NNT: variants seen among roughly 807,000 people sequenced by gnomAD.
NNT encodes the protein NAD(P) transhydrogenase, mitochondrial.
Under a neutral mutation model 104.8 loss-of-function variants are expected in NNT, and 50 were observed. The ratio of observed to expected loss-of-function variants is 0.48; its 90% CI spans 0.38 to 0.60. The LOEUF (loss-of-function observed/expected upper bound fraction) is 0.60, where lower values mean the gene tolerates loss of function less well. NNT is among the 20% of genes least tolerant of loss of function. NNT has a pLI of 0.00. For missense variants in NNT, 1,131 were observed against 1,330.7 expected, an observed-to-expected ratio of 0.85 and a Z score of 2.33; for synonymous variants, 461 against 490.4, an observed-to-expected ratio of 0.94 and a Z score of 0.79.
At position 43,649,321 on chromosome 5, in the gene NNT, CTT is replaced by C. The variant is rs1561289564; in HGVS notation, c.1606+14_1606+15del. Reference sequence around the variant, plus strand: ...AATGCAATCTCAGGTTTGTTCCTCTCTTGTTTTTCCTCATCTCAGGTTTTCAT... The same window carrying C: ...AATGCAATCTCAGGTTTGTTCCTCTCGTTTTTCCTCATCTCAGGTTTTCAT... On this transcript the variant is annotated intron_variant, in intron 11 of 21. Coordinates refer to ENST00000344920, the MANE Select transcript of NNT (RefSeq NM_182977.3). The C allele has an allele frequency of 6.2e-7, 1 of 1,613,666 alleles. No homozygotes were observed. The highest frequency in any genetic ancestry group is 1.1e-5 in the South Asian group (1 of 91,036).
At chr5:43,610,853 T>C (rs1749464062) in intron 2 of NNT, among the ~76,000 whole-genome samples, 1 of 152,210 alleles carries the variant, frequency 6.6e-6, no homozygotes, top group Non-Finnish European at 1.5e-5. Flanking sequence ...TCCATGGACA[T>C]CAAGATCTCT....
chr5:43,662,099 T>C (rs1180451569), intron 17 of NNT, among the ~76,000 whole-genome samples: 1 of 152,256 alleles, frequency 6.6e-6, no homozygotes, highest in Non-Finnish European at 1.5e-5. Flanking sequence ...TCTTGAAATG[T>C]CAGCATGGGT....
chr5:43,661,522 C>G (rs1274178010), intron 17 of NNT, among the ~76,000 whole-genome samples: 5 of 150,834 alleles, frequency 3.3e-5, no homozygotes, highest in Non-Finnish European at 7.4e-5. Flanking sequence ...AACTCGTCAT[C>G]TAGCATTAGG....
chr5:43,634,255 CATCT>C (rs1362770374), intron 7 of NNT, among the ~76,000 whole-genome samples: 1 of 152,080 alleles, frequency 6.6e-6, no homozygotes, highest in Non-Finnish European at 1.5e-5. Context: ...CTTTGTTCTC[CATCT>C]GTCTTGTTAA....
At chr5:43,669,471 T>C (rs1235983100) in intron 17 of NNT, among the ~76,000 whole-genome samples, 4 of 152,310 alleles carry the variant, frequency 2.6e-5, no homozygotes, top group Middle Eastern at 3.4e-3. Flanking sequence ...ACCTAATTTA[T>C]TGAGAGTTTT....
At chr5:43,659,670 G>C (rs1475194859) in intron 17 of NNT, among the ~76,000 whole-genome samples, 1 of 152,076 alleles carries the variant, frequency 6.6e-6, no homozygotes, top group East Asian at 1.9e-4. Context: ...AGAGGTTGCA[G>C]TGACTGAGAT....
intron 12 of NNT, 142 bp from the exon 13 acceptor site, chr5:43,651,597 T>A: frequency 1.1e-6 from 1 of 913,680 alleles, no homozygotes; most frequent in Non-Finnish European, 1.6e-6. Flanking sequence ...AATTTGAGGT[T>A]GCAAAATGTT....
chr5:43,660,254 C>G (rs997502320), intron 17 of NNT, among the ~76,000 whole-genome samples: 3 of 152,144 alleles, frequency 2.0e-5, no homozygotes, highest in Non-Finnish European at 4.4e-5. Context: ...ATTTACACTC[C>G]TGTTGGTCAT....
At chr5:43,613,205 T>A in intron 3 of NNT, 68 bp downstream of exon 3, 2 of 1,243,468 alleles carry the variant, frequency 1.6e-6, no homozygotes, top group Non-Finnish European at 2.3e-6. Flanking sequence ...ATAGAAAAAT[T>A]AAATTACTTT....
chr5:43,678,477 G>GT (rs1741536362), intron 19 of NNT, among the ~76,000 whole-genome samples: 1 of 152,148 alleles, frequency 6.6e-6, no homozygotes, highest in South Asian at 2.1e-4. Context: ...AAAGGAAAAT[G>GT]TGTTATTCCA....
At chr5:43,611,596 C>T (rs561940177) in intron 2 of NNT, among the ~76,000 whole-genome samples, 6 of 152,212 alleles carry the variant, frequency 3.9e-5, no homozygotes, top group East Asian at 3.9e-4. Flanking sequence ...ATTTGCCTTT[C>T]GTGTACTGTA....
chr5:43,680,422 T>C (rs1297956261), intron 19 of NNT, among the ~76,000 whole-genome samples: 7 of 152,200 alleles, frequency 4.6e-5, no homozygotes, highest in Non-Finnish European at 8.8e-5. Flanking sequence ...GTTCATTGAG[T>C]ACAGCTGCTG....
At chr5:43,691,156 G>C (rs1301964608) in intron 19 of NNT, among the ~76,000 whole-genome samples, 1 of 151,828 alleles carries the variant, frequency 6.6e-6, no homozygotes, top group Non-Finnish European at 1.5e-5. Context: ...CTGGAGTGCA[G>C]TGGCGCAATC....
In NNT at chr5:43,650,589, T is replaced by C; in HGVS notation, c.1717+2T>C. On this transcript the variant is annotated splice_donor_variant, in intron 12 of 21. Transcript: ENST00000344920. LOFTEE classifies it high-confidence loss of function. ...TCATATCCTCTGTCAACATTGCAGG[T>C]ATGATGTCAGTGAAAGGTCTCAGTA... The C allele has an allele frequency of 6.2e-7, 1 of 1,607,438 alleles. No homozygotes were observed. The highest frequency in any genetic ancestry group is 8.5e-7 in the Non-Finnish European group (1 of 1,173,932).
chr5:43,667,424 C>G (rs1158604299), intron 17 of NNT, among the ~76,000 whole-genome samples: 3 of 152,274 alleles, frequency 2.0e-5, no homozygotes, highest in Admixed American at 6.5e-5. Flanking sequence ...CCACTCCCCC[C>G]ACCCCACGAC....
At chr5:43,645,266 G>C (rs545650802) in intron 9 of NNT, 91 bp from the exon 10 acceptor site, 2 of 655,900 alleles carry the variant, frequency 3.0e-6, no homozygotes, top group East Asian at 7.4e-5. Flanking sequence ...ATATTTAAAA[G>C]AACAGGGTTT....
Position 43,644,718 on chromosome 5 carries a change from C to T in NNT, c.1206C>T (p.Asp402=), listed in dbSNP as rs985533963. The T allele has an allele frequency of 1.9e-6, 3 of 1,614,138 alleles. No homozygotes were observed. In the African/African-American group the frequency reaches 4.0e-5, roughly 22 times the overall value. Residue 402 remains aspartate, a synonymous_variant, in exon 9 of 22, where the codon GAC becomes GAT. Coordinates refer to ENST00000344920, the MANE Select transcript of NNT (RefSeq NM_182977.3). ...ITKLLKAISP[D]KDNFYFDVKD... ...AACTCCTGAAGGCCATCAGCCCGGA[C>T]AAAGATAATTTTTATTTTGATGTGA...
At chr5:43,653,572 T>C in intron 14 of NNT, 1 of 149,236 alleles carries the variant, frequency 6.7e-6, no homozygotes, top group East Asian at 1.9e-4. Context: ...CATAGACCTG[T>C]TAAAAATGAA....
At chr5:43,694,562 G>A (rs1297265257) in intron 19 of NNT, among the ~76,000 whole-genome samples, 1 of 152,132 alleles carries the variant, frequency 6.6e-6, no homozygotes, top group Non-Finnish European at 1.5e-5. Context: ...CTTTAGTTCT[G>A]TTTATGTGAT....
Sources: allele counts gnomAD v4.1 joint callset (sites outside exome capture counted in the v4.1 genomes callset), GRCh38; gene constraint gnomAD v4.1.1; transcripts MANE v1.5; gene names NCBI Gene and HGNC (gene_info 2026-07-23, HGNC 2026-07-21).